The following VPS35 variants were observed in gnomAD, a reference collection of about 807,000 sequenced individuals.
VPS35 encodes VPS35 retromer complex component, also known as vacuolar protein sorting-associated protein 35.
In VPS35, 21 loss-of-function variants were observed where a neutral mutation model predicts 98.1. The observed-to-expected ratio is 0.21, with a 90% CI of 0.15 to 0.31. The LOEUF (loss-of-function observed/expected upper bound fraction) is 0.31, where lower values mean the gene tolerates loss of function less well. Among genes scored for constraint, VPS35 ranks in the 10% least tolerant of loss-of-function variants. The pLI is 1.00. For synonymous variants in VPS35, 268 were observed against 318.2 expected, an observed-to-expected ratio of 0.84 and a Z score of 1.68; for missense variants, 554 against 950.8, an observed-to-expected ratio of 0.58 and a Z score of 5.49.
chr16:46,680,727 T>C lies in VPS35; in HGVS notation c.450A>G (p.Arg150=). Residue 150 remains arginine (R), a synonymous_variant, in exon 5 of 17, where the codon CGA becomes CGG. Transcript: ENST00000299138. The part of the protein sequence containing the change: ...VQHPLRGLFL[R]NYLLQCTRNI... ...TTCTGGTACACTGAAGAAGGTAATT[T>C]CGAAGAAACAGACCCCTCAAGGGAT... The C allele has an allele frequency of 1.9e-6, 3 of 1,614,072 alleles. No homozygotes were observed. The highest frequency in any genetic ancestry group is 2.5e-6 in the Non-Finnish European group (3 of 1,179,956).
At chr16:46,688,883 A>C (rs1425800128) in intron 1 of VPS35, 1 of 1,441,488 alleles carries the variant, frequency 6.9e-7, no homozygotes, top group East Asian at 2.5e-5. Flanking sequence ...TGCCAAGTCA[A>C]CCCCACAGAG....
Position 46,672,298 on chromosome 16 carries a change from C to T in VPS35, c.1335G>A (p.Leu445=). ...GAGAGACAATTTCTGTGTTATAATC[C>T]AGAACATTACTAAGCACATAACAAC... ...SMSCYVLSNV[L]DYNTEIVSQD... Residue 445 remains leucine, a synonymous_variant, in exon 11 of 17, where the codon CTG becomes CTA. Transcript: ENST00000299138. The T allele has an allele frequency of 4.3e-6, 7 of 1,613,718 alleles. No individual in the cohort carries two copies. The highest frequency in any genetic ancestry group is 5.9e-6 in the Non-Finnish European group (7 of 1,179,852).
chr16:46,668,931 A>G lies in VPS35; in HGVS notation c.1646T>C (p.Val549Ala), dbSNP rs1966028031. The G allele has an allele frequency of 1.2e-6, 2 of 1,614,024 alleles. No homozygotes were observed. Among genetic ancestry groups the G allele is most frequent in the Non-Finnish European group, 1.7e-6 (2 of 1,180,026 alleles). ...LAFRYKENSKVDDKWEKKCQK... is the reference protein window; with the variant it reads ...LAFRYKENSKADDKWEKKCQK... ...CTAAATACTTAAAAGTAAACTCACC[A>G]CTTTAGAATTCTCTTTATATCGAAA... The change falls in exon 13 of 17, where the codon GTG becomes GCG. Residue 549 changes from valine to alanine, a missense_variant and splice_region_variant. Around this residue, in one of 5 missense-constraint regions of VPS35, gnomAD observed 254 missense variants for 390.1 expected, o/e 0.65. Coordinates refer to ENST00000299138, the MANE Select transcript of VPS35 (RefSeq NM_018206.6).
At chr16:46,665,934 C>T (rs1268052713) in intron 13 of VPS35, among the ~76,000 whole-genome samples, 2 of 151,832 alleles carry the variant, frequency 1.3e-5, no homozygotes, top group Non-Finnish European at 2.9e-5. Flanking sequence ...GACAGAGTCT[C>T]ACTTTGTCAC....
At chr16:46,679,244 T>G in intron 5 of VPS35, 88 bp from the exon 6 acceptor site, 2 of 1,161,090 alleles carry the variant, frequency 1.7e-6, no homozygotes, top group Non-Finnish European at 2.5e-6. Context: ...TACTTATCTC[T>G]ATAGTACACC....
chr16:46,674,574 G>A lies in VPS35; in HGVS notation c.1001C>T (p.Thr334Ile). ...AAATGCTACACAAACCTGTATCACT[G>A]TAGCCACCTGCTGTGAAAATATATC... ...LFDIFSQQVA[T>I]VIQSRQDMPS... The change falls in exon 9 of 17, where the codon ACA (threonine) becomes ATA (isoleucine). Residue 334 changes from threonine to isoleucine, a missense_variant. Transcript: ENST00000299138. 1.9e-6 allele frequency: 3 copies of A among 1,611,000 alleles called. No individual in the cohort carries two copies. The highest frequency in any genetic ancestry group is 1.7e-6 in the Non-Finnish European group (2 of 1,178,438).
chr16:46,685,103 G>C (rs1175036610), intron 1 of VPS35, among the ~76,000 whole-genome samples: 1 of 152,180 alleles, frequency 6.6e-6, no homozygotes, highest in Non-Finnish European at 1.5e-5. Flanking sequence ...TGATTGTACA[G>C]TATTGTGAGC....
At chr16:46,671,524 T>C (rs1596716384) in intron 12 of VPS35, among the ~76,000 whole-genome samples, 181 bp downstream of exon 12, 1 of 151,864 alleles carries the variant, frequency 6.6e-6, no homozygotes, top group Admixed American at 6.6e-5. Context: ...CAGGCTGGAG[T>C]GCAGTGGCAC....
chr16:46,668,822 T>C, intron 13 of VPS35, 108 bp downstream of exon 13: 5 of 1,464,644 alleles, frequency 3.4e-6, no homozygotes, highest in Non-Finnish European at 4.7e-6. Flanking sequence ...ATTATACCAC[T>C]GTCTATTTTT....
In VPS35 at chr16:46,661,660, C is replaced by T; in HGVS notation, c.2211+58G>A. The T allele has an allele frequency of 6.7e-7, 1 of 1,488,970 alleles. No individual in the cohort carries two copies. The highest frequency in any genetic ancestry group is 9.4e-7 in the Non-Finnish European group (1 of 1,069,390). 92.2% of individuals were successfully genotyped at this position (1,488,970 alleles called of 1,614,324 possible). On this transcript the variant is annotated intron_variant, in intron 16 of 16. Coordinates refer to ENST00000299138, the MANE Select transcript of VPS35 (RefSeq NM_018206.6). This position sits in a 1 kb window ranked among gnomAD's most constrained non-coding sequence, Gnocchi z 4.3. ...ATAAACTTTTGTACATATCAAATCT[C>T]CTAAGAGTAGGAAGGGAAAATATTA...
chr16:46,679,924 G>C (rs1216614739), intron 5 of VPS35, among the ~76,000 whole-genome samples: 4 of 151,120 alleles, frequency 2.6e-5, no homozygotes, highest in African/African-American at 9.7e-5. Context: ...AAAAACCTTA[G>C]AAATAAATGA....
chr16:46,686,159 T>C (rs1966309814), intron 1 of VPS35, among the ~76,000 whole-genome samples: 1 of 152,190 alleles, frequency 6.6e-6, no homozygotes, highest in African/African-American at 2.4e-5. Flanking sequence ...GTCTCGCTTA[T>C]TTCACTGACC....
At chr16:46,678,372 T>C (rs918438014) in intron 6 of VPS35, among the ~76,000 whole-genome samples, 7 of 151,790 alleles carry the variant, frequency 4.6e-5, no homozygotes, top group African/African-American at 1.5e-4. Context: ...CAAACTTATG[T>C]TGGGCCATAT....
chr16:46,671,880 A>G lies in VPS35; in HGVS notation c.1369-20T>C, dbSNP rs1464725353. 6.2e-7 allele frequency: 1 copy of G among 1,611,868 alleles called. No individual in the cohort carries two copies. Among genetic ancestry groups the G allele is most frequent in the Non-Finnish European group, 8.5e-7 (1 of 1,179,800 alleles). ...ATCCACCTGTAACATGCGAGGCACAAGAAACCCACTGAGGTGAAACCATTG... is the reference window on the plus strand; with the variant it reads ...ATCCACCTGTAACATGCGAGGCACAGGAAACCCACTGAGGTGAAACCATTG... On this transcript the variant is annotated intron_variant, in intron 11 of 16. Coordinates refer to ENST00000299138, the MANE Select transcript of VPS35 (RefSeq NM_018206.6).
chr16:46,660,778 A>AAGATGGGGATAC, intron 16 of VPS35, 127 bp from the exon 17 acceptor site: 2 of 659,842 alleles, frequency 3.0e-6, no homozygotes, highest in Non-Finnish European at 5.4e-6. Flanking sequence ...TGAAAAAAGA[A>AAGATGGGGATAC]AGATGGGGAT....
intron 13 of VPS35, among the ~76,000 whole-genome samples, chr16:46,664,596 G>A (rs535098379): frequency 4.0e-5 from 6 of 149,244 alleles, no homozygotes; most frequent in Admixed American, 1.3e-4. Context: ...ATCTCAGCTC[G>A]CCACAACCTC....
At chr16:46,663,301 G>A in intron 13 of VPS35, 139 bp from the exon 14 acceptor site, 2 of 759,680 alleles carry the variant, frequency 2.6e-6, no homozygotes, top group Non-Finnish European at 4.3e-6. Context: ...CAGTTATAGG[G>A]CAAACAAGTA....
chr16:46,670,988 C>G (rs565926031), intron 12 of VPS35, among the ~76,000 whole-genome samples: 34 of 152,134 alleles, frequency 2.2e-4, no homozygotes, highest in African/African-American at 7.9e-4. Flanking sequence ...GCCAACTGTG[C>G]TAACCCTTCA....
chr16:46,673,417 C>T (rs1966096096), intron 10 of VPS35: 1 of 152,204 alleles, frequency 6.6e-6, no homozygotes, highest in Admixed American at 6.5e-5. Context: ...AGGTAAACCA[C>T]TGGAAGGGAG....
Sources: allele counts gnomAD v4.1 joint callset (sites outside exome capture counted in the v4.1 genomes callset), GRCh38; gene constraint gnomAD v4.1.1; regional missense constraint gnomAD v4.1.1; non-coding constraint Gnocchi (gnomAD v3.1); transcripts MANE v1.5; gene names NCBI Gene and HGNC (gene_info 2026-07-23, HGNC 2026-07-21).